Variants in SNX4 observed in about 807,000 individuals in gnomAD.
SNX4 encodes the protein sorting nexin-4.
SNX4 carries 49 observed loss-of-function variants against 70.8 expected under a neutral mutation model. The observed-to-expected ratio is 0.69, with a 90% CI of 0.55 to 0.88. The LOEUF is 0.88. SNX4 is among the 40% of genes least tolerant of loss of function. SNX4 has a pLI of 0.00. For synonymous variants in SNX4, 206 were observed against 183.8 expected, an observed-to-expected ratio of 1.12 and a Z score of -0.98; for missense variants, 528 against 544.8, an observed-to-expected ratio of 0.97 and a Z score of 0.31.
chr3:125,463,429 A>C (rs1933931615), intron 9 of SNX4, among the ~76,000 whole-genome samples: 1 of 152,084 alleles, frequency 6.6e-6, no homozygotes, highest in South Asian at 2.1e-4. Flanking sequence ...GGGGAAGTAT[A>C]AATGATAAAG....
chr3:125,465,857 G>A (rs1933998327), intron 9 of SNX4, among the ~76,000 whole-genome samples: 1 of 152,066 alleles, frequency 6.6e-6, no homozygotes, highest in Admixed American at 6.5e-5. Flanking sequence ...TGGCCAGCCT[G>A]GTCTCAAACT....
At chr3:125,479,889 G>C (rs1934371013) in intron 7 of SNX4, among the ~76,000 whole-genome samples, 1 of 151,982 alleles carries the variant, frequency 6.6e-6, no homozygotes, top group Admixed American at 6.6e-5. Context: ...GACACAGGAT[G>C]GCCTAACACC....
At chr3:125,454,848 A>G (rs2107840918) in intron 11 of SNX4, among the ~76,000 whole-genome samples, 1 of 152,314 alleles carries the variant, frequency 6.6e-6, no homozygotes, top group South Asian at 2.1e-4. Flanking sequence ...ATTTATTTTT[A>G]CAGAGTCATA....
At chr3:125,463,389 G>A (rs141449025) in intron 9 of SNX4, among the ~76,000 whole-genome samples, 1 of 152,174 alleles carries the variant, frequency 6.6e-6, no homozygotes, top group Non-Finnish European at 1.5e-5. Context: ...AGGAAACACA[G>A]TGTAGGGAGA....
intron 12 of SNX4, 36 bp downstream of exon 12, chr3:125,453,774 C>G (rs776364382): frequency 1.2e-6 from 2 of 1,601,192 alleles, no homozygotes; most frequent in Non-Finnish European, 1.7e-6. Context: ...ATATAGTCTA[C>G]AAGCCTAGCT....
chr3:125,517,528 C>T (rs1035412887), intron 1 of SNX4, among the ~76,000 whole-genome samples: 2 of 151,994 alleles, frequency 1.3e-5, no homozygotes, highest in Non-Finnish European at 2.9e-5. Context: ...CTTCAAAGGA[C>T]GGGTTTTTAG....
In SNX4 at chr3:125,498,087, A is replaced by T. The variant is rs1934840182; in HGVS notation, c.371T>A (p.Ile124Asn). ...RSYLLVYYPHIVVPPLPEKRA... is the reference protein window; with the variant it reads ...RSYLLVYYPHNVVPPLPEKRA... ...TTTTTCTGGCAGAGGTGGCACAACAATATGTGGATAGTAAACTAAAAGGTA... is the reference window on the plus strand; with the variant it reads ...TTTTTCTGGCAGAGGTGGCACAACATTATGTGGATAGTAAACTAAAAGGTA... Residue 124 changes from isoleucine (I) to asparagine (N), a missense_variant, in exon 3 of 14, where the codon ATT (isoleucine) becomes AAT (asparagine). By Grantham distance (149) the Ile-to-Asn change is moderately radical. Coordinates refer to ENST00000251775, the MANE Select transcript of SNX4 (RefSeq NM_003794.4). 6.2e-7 allele frequency: 1 copy of T among 1,614,188 alleles called. No individual in the cohort carries two copies. The highest frequency in any genetic ancestry group is 2.2e-5 in the East Asian group (1 of 44,882).
chr3:125,485,391 T>C (rs1198676202), intron 6 of SNX4, among the ~76,000 whole-genome samples: 1 of 152,086 alleles, frequency 6.6e-6, no homozygotes, highest in Non-Finnish European at 1.5e-5. Flanking sequence ...TCCACCTTCC[T>C]GGTTCAAGTT....
Position 125,519,948 on chromosome 3 carries a change from G to GGCCCGGCCCAGCTCA in SNX4, c.141+83_141+84insTGAGCTGGGCCGGGC, listed in dbSNP as rs1396366108. 2.4e-4 allele frequency: 189 copies of GGCCCGGCCCAGCTCA among 775,316 alleles called. 1 individual carries two copies. Among genetic ancestry groups the GGCCCGGCCCAGCTCA allele is most frequent in the Non-Finnish European group, 3.0e-4 (173 of 567,370 alleles). 48.0% of individuals were successfully genotyped at this position (775,316 alleles called of 1,614,324 possible). A position where few individuals can be genotyped will look rare whatever the true frequency, so the allele number is the denominator to read the frequency against. On this transcript the variant is annotated intron_variant, in intron 1 of 13. Coordinates refer to ENST00000251775, the MANE Select transcript of SNX4 (RefSeq NM_003794.4). ...TCGGCCGAGCCCACTGGCCCGGCCCGGCCCAGCCCAGCCCAGCCCAGCCCA... is the reference window on the plus strand; with the variant it reads ...TCGGCCGAGCCCACTGGCCCGGCCCGGCCCGGCCCAGCTCAGCCCAGCCCAGCCCAGCCCAGCCCA...
intron 11 of SNX4, among the ~76,000 whole-genome samples, chr3:125,455,890 G>A (rs1413715759): frequency 6.6e-6 from 1 of 152,136 alleles, no homozygotes; most frequent in Non-Finnish European, 1.5e-5. Flanking sequence ...GGTGGCAGGC[G>A]CCTGTAGTCC....
rs559087938 is a variant in SNX4 at position 125,519,614 on chromosome 3, T to A, written c.141+418A>T. Among the ~76,000 whole-genome samples, 10 of 152,042 alleles carry A rather than the reference T, an allele frequency of 6.6e-5. No homozygotes were observed. The East Asian group carries it at 1.9e-3, about 30-fold the overall frequency. ...TCCCCACTGTGTCCCTTTAAGCTAC[T>A]CCCCAGCAAAACCCCTTAGCAACTG... On this transcript the variant is annotated intron_variant, in intron 1 of 13. Transcript: ENST00000251775.
Position 125,453,804 on chromosome 3 carries a change from C to T in SNX4, c.1190+6G>A. The stretch of plus-strand genomic sequence containing the variant: ...CTAGCTTACTTAAACATCGCAGCAT[C>T]TTTACCTGCCTTCCAGATTTTTAGA... On this transcript the variant is annotated splice_donor_region_variant and intron_variant, in intron 12 of 13. Transcript: ENST00000251775. The T allele has an allele frequency of 6.2e-7, 1 of 1,613,712 alleles. No homozygotes were observed. The highest frequency in any genetic ancestry group is 8.5e-7 in the Non-Finnish European group (1 of 1,179,838).
At chr3:125,461,783 T>C (rs189560057) in intron 9 of SNX4, among the ~76,000 whole-genome samples, 1 of 152,086 alleles carries the variant, frequency 6.6e-6, no homozygotes, top group East Asian at 1.9e-4. Flanking sequence ...TGCCTCAGCC[T>C]CCCAAGTAGC....
chr3:125,470,703 A>T (rs147553721), intron 8 of SNX4, among the ~76,000 whole-genome samples: 54 of 152,336 alleles, frequency 3.5e-4, no homozygotes, highest in African/African-American at 1.3e-3. Context: ...AATATTAATT[A>T]CAACAAAAAG....
At chr3:125,514,389 C>CTTT (rs57357708) in intron 1 of SNX4, among the ~76,000 whole-genome samples, 3 of 127,142 alleles carry the variant, frequency 2.4e-5, no homozygotes, top group Non-Finnish European at 4.9e-5. Flanking sequence ...GTGACCAACA[C>CTTT]TTTTTTTTTT....
At chr3:125,455,368 A>G (rs920679884) in intron 11 of SNX4, among the ~76,000 whole-genome samples, 5 of 152,248 alleles carry the variant, frequency 3.3e-5, no homozygotes, top group Non-Finnish European at 5.9e-5. Context: ...CTATGGAAAT[A>G]AACCAAACTA....
At chr3:125,485,265 AC>A (rs1430681564) in intron 6 of SNX4, among the ~76,000 whole-genome samples, 1 of 151,940 alleles carries the variant, frequency 6.6e-6, no homozygotes, top group East Asian at 1.9e-4. Flanking sequence ...AAAGGCAAAA[AC>A]ACAGCTTGGG....
intron 11 of SNX4, among the ~76,000 whole-genome samples, chr3:125,456,165 T>TA (rs1933710012): frequency 6.6e-6 from 1 of 152,162 alleles, no homozygotes; most frequent in Non-Finnish European, 1.5e-5. Flanking sequence ...GATCCAAGAC[T>TA]AATGCAATCA....
At chr3:125,462,460 C>T (rs1579978022) in intron 9 of SNX4, among the ~76,000 whole-genome samples, 2 of 152,014 alleles carry the variant, frequency 1.3e-5, no homozygotes, top group East Asian at 3.9e-4. Flanking sequence ...CATGGTAGTG[C>T]ATGCCTATAG....
Sources: gnomAD v4.1 joint callset for allele counts (sites outside exome capture counted in the v4.1 genomes callset) on GRCh38, gnomAD v4.1.1 for gene constraint, MANE v1.5 for transcripts, NCBI Gene and HGNC (gene_info 2026-07-23, HGNC 2026-07-21) for gene names.